IL3RA: variants seen among roughly 807,000 people sequenced by gnomAD.
IL3RA encodes interleukin 3 receptor subunit alpha, also known as interleukin-3 receptor subunit alpha.
In IL3RA, 73 loss-of-function variants were observed where a neutral mutation model predicts 52.3. The observed-to-expected ratio is 1.40, with a 90% CI of 1.16 to 1.70. The LOEUF (loss-of-function observed/expected upper bound fraction) is 1.70. Ranked by LOEUF, IL3RA falls within the 40% of genes most tolerant of loss-of-function variation. The pLI, the probability that IL3RA is intolerant of heterozygous loss-of-function variation, is 0.00. For synonymous variants in IL3RA, 260 were observed against 194.0 expected (o/e 1.34, Z -2.83); for missense variants, 664 against 504.4 (o/e 1.32, Z -3.03).
intron 10 of IL3RA, among the ~76,000 whole-genome samples, chrX:1,380,393 TTC>T (rs1299827952): frequency 2.5e-5 from 2 of 78,862 alleles, no homozygotes; most frequent in Non-Finnish European, 4.8e-5. Context: ...CCATGGTGAC[TTC>T]TGTCTCCCGG....
intron 9 of IL3RA, among the ~76,000 whole-genome samples, chrX:1,377,164 A>C (rs1232910153): frequency 1.3e-5 from 2 of 152,136 alleles, no homozygotes; most frequent in Admixed American, 6.5e-5. Context: ...AGCCCTGCCC[A>C]TGCCCATCTC....
intron 8 of IL3RA, among the ~76,000 whole-genome samples, chrX:1,363,472 T>C (rs2087638209): frequency 6.6e-6 from 1 of 151,524 alleles, no homozygotes; most frequent in Non-Finnish European, 1.5e-5. Context: ...GGCTAATTTT[T>C]TGTATTTTTA....
chrX:1,376,642 G>A (rs1282668591), intron 9 of IL3RA, among the ~76,000 whole-genome samples: 1 of 149,836 alleles, frequency 6.7e-6, no homozygotes, highest in Non-Finnish European at 1.5e-5. Context: ...GAGGACACAG[G>A]GAGAAGACGG....
chrX:1,368,008 G>C lies in IL3RA; in HGVS notation c.874+2756G>C, dbSNP rs139194984. Among the ~76,000 whole-genome samples the C allele has an allele frequency of 7.9e-3, 1,195 of 152,148 alleles. 7 individuals are homozygous for C. Among genetic ancestry groups the C allele is most frequent in the Non-Finnish European group, 0.013 (880 of 67,996 alleles). On this transcript the variant is annotated intron_variant, in intron 9 of 11. Coordinates refer to ENST00000331035, the MANE Select transcript of IL3RA (RefSeq NM_002183.4). ...TCGTCCCACTGACAGACACCCCCTG[G>C]GCCTTGTAATAAAGACCGAGGCGGG...
chrX:1,341,343 A>G (rs1288953155), intron 1 of IL3RA, among the ~76,000 whole-genome samples: 1 of 152,004 alleles, frequency 6.6e-6, no homozygotes, highest in Non-Finnish European at 1.5e-5. Context: ...ATGTGTGCAC[A>G]CAGATACACA....
intron 7 of IL3RA, 128 bp downstream of exon 7, chrX:1,356,464 T>TA (rs2086723352): frequency 3.1e-6 from 2 of 642,060 alleles, no homozygotes; most frequent in Non-Finnish European, 5.5e-6. Context: ...CATGGATCAT[T>TA]AAAAAACAAA....
At chrX:1,356,016 C>T (rs1261871101) in intron 6 of IL3RA, among the ~76,000 whole-genome samples, 5 of 152,088 alleles carry the variant, frequency 3.3e-5, no homozygotes, top group Non-Finnish European at 7.4e-5. Flanking sequence ...AAGGCTCACT[C>T]CTCCCAGTGC....
At chrX:1,342,035 A>G (rs1267774888) in intron 2 of IL3RA, among the ~76,000 whole-genome samples, 4 of 151,972 alleles carry the variant, frequency 2.6e-5, no homozygotes, top group Non-Finnish European at 5.9e-5. Flanking sequence ...CGGTAATACG[A>G]CCTCACAGGC....
intron 7 of IL3RA, among the ~76,000 whole-genome samples, chrX:1,357,267 T>C (rs2086805216): frequency 1.3e-5 from 2 of 151,856 alleles, no homozygotes; most frequent in Admixed American, 1.3e-4. Flanking sequence ...GTGTTATATT[T>C]AGTTTGTATT....
chrX:1,362,025 T>C (rs1228467833), intron 8 of IL3RA, among the ~76,000 whole-genome samples: 1 of 152,066 alleles, frequency 6.6e-6, no homozygotes, highest in Admixed American at 6.6e-5. Context: ...TCTGTTTTTC[T>C]TTCCCTCTCT....
intron 8 of IL3RA, among the ~76,000 whole-genome samples, chrX:1,362,995 C>G (rs1292005941): frequency 6.6e-6 from 1 of 152,138 alleles, no homozygotes; most frequent in East Asian, 1.9e-4. Flanking sequence ...AGGTTGACCT[C>G]GAACTCCTGA....
At chrX:1,351,983 T>C in intron 4 of IL3RA, 117 bp from the exon 5 acceptor site, 2 of 1,301,802 alleles carry the variant, frequency 1.5e-6, no homozygotes, top group Non-Finnish European at 2.1e-6. Flanking sequence ...CAGGCTGGTC[T>C]CGAACTCCTG....
intron 11 of IL3RA, 102 bp downstream of exon 11, chrX:1,381,206 C>T (rs1460475620): frequency 3.0e-6 from 3 of 989,094 alleles, no homozygotes; most frequent in Non-Finnish European, 3.2e-6. Flanking sequence ...GGAGACCAGC[C>T]TGGCCAACAT....
At chrX:1,345,934 G>C (rs143653198) in intron 3 of IL3RA, among the ~76,000 whole-genome samples, 2 of 152,006 alleles carry the variant, frequency 1.3e-5, no homozygotes, top group Admixed American at 6.6e-5. Context: ...GGAGGGTCTG[G>C]TTCCCCGTCC....
intron 8 of IL3RA, among the ~76,000 whole-genome samples, chrX:1,363,335 C>T (rs1263177670): frequency 6.9e-6 from 1 of 143,998 alleles, no homozygotes; most frequent in Non-Finnish European, 1.5e-5. Context: ...GAGTCTCGCT[C>T]TGTCACCCAG....
chrX:1,379,914 C>G (rs1386685073), intron 10 of IL3RA, among the ~76,000 whole-genome samples: 3 of 152,234 alleles, frequency 2.0e-5, no homozygotes, highest in African/African-American at 4.8e-5. Context: ...GGATGTGCCA[C>G]CACGCCTGGC....
At position 1,365,178 on chromosome X, in the gene IL3RA, C is replaced by G. The variant is rs200665918; in HGVS notation, c.800C>G (p.Thr267Arg). 7 of 1,611,066 alleles carry G rather than the reference C, an allele frequency of 4.3e-6. No individual in the cohort carries two copies. Among genetic ancestry groups the G allele is most frequent in the Non-Finnish European group, 2.5e-6 (3 of 1,178,820 alleles). The change falls in exon 9 of 12, where the codon ACG becomes AGG. Residue 267 changes from threonine to arginine, a missense_variant. By Grantham distance (71) the Thr-to-Arg change is moderately conservative. Coordinates refer to ENST00000331035, the MANE Select transcript of IL3RA (RefSeq NM_002183.4). ...RTSFQLLNPG[T>R]YTVQIRARER... Reference sequence around the variant, plus strand: ...TCCTTCCAGCTACTCAATCCTGGAACGTACACAGTACAAATAAGAGCCCGG... The same window carrying G: ...TCCTTCCAGCTACTCAATCCTGGAAGGTACACAGTACAAATAAGAGCCCGG...
chrX:1,348,319 C>G (rs2085867310), intron 3 of IL3RA, 112 bp from the exon 4 acceptor site: 3 of 833,336 alleles, frequency 3.6e-6, no homozygotes, highest in African/African-American at 3.3e-5. Flanking sequence ...CGCCACTGCA[C>G]TCCAGCGTGG....
intron 4 of IL3RA, among the ~76,000 whole-genome samples, chrX:1,348,919 C>G (rs2148940426): frequency 6.9e-6 from 1 of 144,284 alleles, no homozygotes; most frequent in South Asian, 2.2e-4. Context: ...CCCTTCCTTC[C>G]TTCTCTCCCT....
Sources: gnomAD v4.1 joint callset for allele counts (sites outside exome capture counted in the v4.1 genomes callset) on GRCh38, gnomAD v4.1.1 for gene constraint, MANE v1.5 for transcripts, NCBI Gene and HGNC (gene_info 2026-07-23, HGNC 2026-07-21) for gene names.